Variants in OR10J1 observed in about 807,000 individuals in gnomAD.
The protein encoded by OR10J1 is olfactory receptor family 10 subfamily J member 1.
For missense variants in OR10J1, 474 were observed against 376.6 expected, an observed-to-expected ratio of 1.26 and a Z score of -2.14; for synonymous variants, 202 against 143.8, an observed-to-expected ratio of 1.40 and a Z score of -2.89.
At chr1:159,398,167 G>A in the OR10J1 span, among the ~76,000 whole-genome samples, 1 of 152,228 alleles carries the variant, frequency 6.6e-6, no homozygotes, top group Non-Finnish European at 1.5e-5. Context: ...CATAGCAACA[G>A]TCTGCAAGAA....
Position 159,440,058 on chromosome 1 carries a change from C to T in OR10J1, c.267C>T (p.Ser89=). 4 of 1,614,042 alleles carry T rather than the reference C, an allele frequency of 2.5e-6. No homozygotes were observed. The highest frequency in any genetic ancestry group is 3.4e-6 in the Non-Finnish European group (4 of 1,180,004). ...PRMLSSLVGM[S]QPISLAGCAT... ...TGCTCTCCAGCCTCGTAGGTATGAG[C>T]CAGCCCATATCATTGGCAGGGTGTG... The change falls in exon 1 of 1, where the codon AGC becomes AGT. Residue 89 remains serine, a synonymous_variant. Coordinates refer to ENST00000423932, the MANE Select transcript of OR10J1 (RefSeq NM_012351.3).
At chr1:159,430,668 T>TGTGTGTGTGCACGCGC in the OR10J1 span, among the ~76,000 whole-genome samples, 1 of 69,614 alleles carries the variant, frequency 1.4e-5, no homozygotes, top group African/African-American at 3.1e-5. Flanking sequence ...TGTGTGTGTG[T>TGTGTGTGTGCACGCGC]GCGCGCGCGC....
At chr1:159,419,978 T>C in the OR10J1 span, among the ~76,000 whole-genome samples, 1 of 152,194 alleles carries the variant, frequency 6.6e-6, no homozygotes, top group Non-Finnish European at 1.5e-5. Context: ...TTAGATGTAA[T>C]AATATTTTTT....
the OR10J1 span, among the ~76,000 whole-genome samples, chr1:159,397,806 C>T: frequency 6.6e-6 from 1 of 152,194 alleles, no homozygotes; most frequent in Non-Finnish European, 1.5e-5. Context: ...CTTCTGGACC[C>T]ACCTGGGGCT....
the OR10J1 span, among the ~76,000 whole-genome samples, chr1:159,425,556 A>C: frequency 6.6e-6 from 1 of 152,092 alleles, no homozygotes; most frequent in Non-Finnish European, 1.5e-5. Flanking sequence ...AGATACTCGA[A>C]AACTTAATAA....
the OR10J1 span, among the ~76,000 whole-genome samples, chr1:159,424,668 A>G: frequency 3.3e-5 from 5 of 151,948 alleles, no homozygotes; most frequent in Non-Finnish European, 7.4e-5. Context: ...TTGGAAGATA[A>G]TTTTGAGGAA....
At chr1:159,439,542 T>TTATACAGTGA (rs761609018), upstream of OR10J1, among the ~76,000 whole-genome samples, 28 of 152,254 alleles carry the variant, frequency 1.8e-4, no homozygotes, top group Non-Finnish European at 1.9e-4. Context: ...GCATGTATGG[T>TTATACAGTGA]TATACAGTGA....
At chr1:159,420,176 T>C in the OR10J1 span, among the ~76,000 whole-genome samples, 4 of 152,186 alleles carry the variant, frequency 2.6e-5, no homozygotes, top group East Asian at 1.9e-4. Flanking sequence ...CCATAGAGTA[T>C]ATTTTTCTAT....
the OR10J1 span, among the ~76,000 whole-genome samples, chr1:159,414,754 T>A: frequency 1.3e-5 from 2 of 152,062 alleles, no homozygotes; most frequent in Non-Finnish European, 2.9e-5. Flanking sequence ...TATTTATTAA[T>A]TTTAGTAATA....
chr1:159,418,867 A>C, the OR10J1 span, among the ~76,000 whole-genome samples: 3 of 152,164 alleles, frequency 2.0e-5, no homozygotes, highest in Admixed American at 2.0e-4. Flanking sequence ...ATGGGAACCC[A>C]CCTCTTGCAT....
At chr1:159,420,129 A>T in the OR10J1 span, among the ~76,000 whole-genome samples, 1 of 152,150 alleles carries the variant, frequency 6.6e-6, no homozygotes, top group Non-Finnish European at 1.5e-5. Flanking sequence ...GTCTGATATA[A>T]GTATAGTTTT....
upstream of OR10J1, among the ~76,000 whole-genome samples, chr1:159,439,211 T>C (rs150189268): frequency 5.9e-5 from 9 of 152,322 alleles, no homozygotes; most frequent in Admixed American, 4.6e-4. Flanking sequence ...GCAAGGAGGA[T>C]GATTCATAGT....
In OR10J1 at chr1:159,440,486, G is replaced by T. The variant is rs1655908284; in HGVS notation, c.695G>T (p.Gly232Val). ...ATCCTCAAGATTGCTTCAGTTGAGG[G>T]CCGGAAGAAGGCTTTTGCCACCTGT... The part of the protein sequence containing the change: ...STILKIASVE[G>V]RKKAFATCAS... Residue 232 changes from glycine (G) to valine (V), a missense_variant, in exon 1 of 1, where the codon GGC (glycine) becomes GTC (valine). Physicochemically the swap from Gly to Val is moderately radical, Grantham distance 109 (BLOSUM62 -3). Transcript: ENST00000423932. 1 of 1,614,058 alleles carries T rather than the reference G, an allele frequency of 6.2e-7. No homozygotes were observed. Among genetic ancestry groups the T allele is most frequent in the East Asian group, 2.2e-5 (1 of 44,874 alleles).
chr1:159,424,085 A>C, the OR10J1 span, among the ~76,000 whole-genome samples: 1 of 152,010 alleles, frequency 6.6e-6, no homozygotes, highest in African/African-American at 2.4e-5. Flanking sequence ...GTGAGGTGGC[A>C]GGTGCCCGTA....
the OR10J1 span, among the ~76,000 whole-genome samples, chr1:159,401,326 A>C: frequency 6.6e-6 from 1 of 152,012 alleles, no homozygotes; most frequent in Non-Finnish European, 1.5e-5. Context: ...GGTTTTTGAA[A>C]AGTTAAACAA....
At chr1:159,430,670 C>CGCGT in the OR10J1 span, among the ~76,000 whole-genome samples, 269 of 18,576 alleles carry the variant, frequency 0.014, 3 homozygotes, top group African/African-American at 0.02. Context: ...TGTGTGTGTG[C>CGCGT]GCGCGCGCAC....
At chr1:159,410,914 G>C in the OR10J1 span, among the ~76,000 whole-genome samples, 1 of 151,216 alleles carries the variant, frequency 6.6e-6, no homozygotes, top group African/African-American at 2.4e-5. Flanking sequence ...GTTGTCATTG[G>C]TTTCAAAGAA....
the OR10J1 span, among the ~76,000 whole-genome samples, chr1:159,400,202 TA>T: frequency 2.0e-5 from 3 of 150,932 alleles, no homozygotes; most frequent in Admixed American, 6.6e-5. Context: ...TAATAATAAT[TA>T]AAAAAAAGAG....
At chr1:159,412,590 G>A in the OR10J1 span, among the ~76,000 whole-genome samples, 1 of 135,788 alleles carries the variant, frequency 7.4e-6, no homozygotes, top group East Asian at 2.1e-4. Flanking sequence ...ATGGGGAAAG[G>A]ATTCCCTATT....
Sources: allele counts gnomAD v4.1 joint callset (sites outside exome capture counted in the v4.1 genomes callset), GRCh38; gene constraint gnomAD v4.1.1; transcripts MANE v1.5; gene names NCBI Gene and HGNC (gene_info 2026-07-23, HGNC 2026-07-21).